NFIA: variants seen among roughly 807,000 people sequenced by gnomAD.
NFIA encodes the protein nuclear factor 1 A-type.
In NFIA, 8 loss-of-function variants were observed where a neutral mutation model predicts 62.8. The observed-to-expected ratio is 0.13, with a 90% confidence interval of 0.07 to 0.23. The LOEUF (loss-of-function observed/expected upper bound fraction) is 0.23, where lower values mean the gene tolerates loss of function less well. Ranked by LOEUF, NFIA falls within the 10% of genes least tolerant of loss-of-function variation. The pLI, the probability that NFIA is intolerant of heterozygous loss-of-function variation, is 1.00. For missense variants in NFIA, 410 were observed against 642.1 expected (o/e 0.64, Z 3.91); for synonymous variants, 235 against 238.1 (o/e 0.99, Z 0.12).
intron 2 of NFIA, among the ~76,000 whole-genome samples, chr1:61,166,687 C>A (rs1334328287): frequency 6.6e-6 from 1 of 152,040 alleles, no homozygotes; most frequent in African/African-American, 2.4e-5. Context: ...AGTTTATAGA[C>A]TCTTAGGTGT....
intron 1 of NFIA, among the ~76,000 whole-genome samples, chr1:61,084,358 T>A (rs1646180828): frequency 6.6e-6 from 1 of 152,180 alleles, no homozygotes. Flanking sequence ...TATGTTGAAA[T>A]GGTCTGTTTG....
chr1:61,204,665 C>A (rs1348314569), intron 2 of NFIA, among the ~76,000 whole-genome samples: 1 of 151,024 alleles, frequency 6.6e-6, no homozygotes, highest in Non-Finnish European at 1.5e-5. Context: ...CCACCTTCTG[C>A]CCCCCCCACC....
At chr1:61,330,514 CCAA>C (rs1413083801) in intron 3 of NFIA, among the ~76,000 whole-genome samples, 1 of 149,298 alleles carries the variant, frequency 6.7e-6, no homozygotes, top group Non-Finnish European at 1.5e-5. Context: ...CTGGAGAACA[CCAA>C]CATTTAAGAG....
At chr1:61,368,332 A>G in intron 6 of NFIA, among the ~76,000 whole-genome samples, 1 of 152,194 alleles carries the variant, frequency 6.6e-6, no homozygotes, top group East Asian at 1.9e-4. Flanking sequence ...GGTGGAGCAT[A>G]CTGTAAAGAG....
At chr1:61,401,938 ATT>A (rs761466442) in intron 7 of NFIA, among the ~76,000 whole-genome samples, 3,771 of 151,996 alleles carry the variant, frequency 0.025, 61 homozygotes, top group Non-Finnish European at 0.041. Flanking sequence ...GACCAGAGCC[ATT>A]TAACTTTTTA....
intron 3 of NFIA, among the ~76,000 whole-genome samples, chr1:61,287,442 G>C (rs572831896): frequency 1.3e-5 from 2 of 152,184 alleles, no homozygotes; most frequent in Admixed American, 1.3e-4. Context: ...CCCTGCTCTC[G>C]TGACCCCATT....
At chr1:61,211,018 G>A (rs1040487645) in intron 2 of NFIA, among the ~76,000 whole-genome samples, 3 of 152,206 alleles carry the variant, frequency 2.0e-5, no homozygotes, top group Non-Finnish European at 4.4e-5. Flanking sequence ...TAAATTTCAA[G>A]TAAGAAAATA....
At chr1:61,347,330 C>T (rs921609277) in intron 4 of NFIA, among the ~76,000 whole-genome samples, 6 of 151,730 alleles carry the variant, frequency 4.0e-5, no homozygotes, top group Non-Finnish European at 7.4e-5. Flanking sequence ...CCCACCACCA[C>T]GCCCGGCTAA....
At chr1:61,321,689 G>C (rs1660686730) in intron 3 of NFIA, among the ~76,000 whole-genome samples, 1 of 151,698 alleles carries the variant, frequency 6.6e-6, no homozygotes, top group African/African-American at 2.4e-5. Context: ...GCAACATGAC[G>C]ATTATTACTC....
chr1:61,340,735 G>C (rs557141199), intron 4 of NFIA, among the ~76,000 whole-genome samples: 1 of 152,038 alleles, frequency 6.6e-6, no homozygotes, highest in Admixed American at 6.5e-5. Context: ...AATTAAGAAG[G>C]GCCAATTTTA....
rs1668550218 is a variant in NFIA, at chr1:61,462,016, C to CTTTTTGGGTTGTTTTTTTTTTT, written c.*6706_*6707insGTTTTTTTTTTTTTTTTGGGTT. ...TTTTGATAATAGTCTGTAAGTTAGC[C>CTTTTTGGGTTGTTTTTTTTTTT]TTTTTGGGTTTTTTTTTTTTTTTTT... On this transcript the variant is annotated 3_prime_UTR_variant, in exon 11 of 11. Coordinates refer to ENST00000403491, the MANE Select transcript of NFIA (RefSeq NM_001134673.4). 2 of 97,248 alleles carry CTTTTTGGGTTGTTTTTTTTTTT rather than the reference C, an allele frequency of 2.1e-5. No individual in the cohort carries two copies. The highest frequency in any genetic ancestry group is 9.7e-5 in the African/African-American group (2 of 20,574). The allele number at this position is 97,248 out of a possible 1,614,324, so 6.0% of individuals were successfully genotyped here. A position where few individuals can be genotyped will look rare whatever the true frequency, so the allele number is the denominator to read the frequency against.
At chr1:61,395,987 A>G (rs560553704) in intron 7 of NFIA, among the ~76,000 whole-genome samples, 12 of 152,290 alleles carry the variant, frequency 7.9e-5, no homozygotes, top group African/African-American at 2.9e-4. Flanking sequence ...CAGTTGTACT[A>G]TTTGTAAATG....
At chr1:61,203,572 A>C (rs973394283) in intron 2 of NFIA, among the ~76,000 whole-genome samples, 5 of 151,946 alleles carry the variant, frequency 3.3e-5, no homozygotes. Context: ...GGGAACACAT[A>C]TCTCTTCTTT....
intron 9 of NFIA, among the ~76,000 whole-genome samples, chr1:61,411,227 G>A (rs1215469558): frequency 6.6e-6 from 1 of 152,014 alleles, no homozygotes; most frequent in South Asian, 2.1e-4. Context: ...GCTGTGGCCA[G>A]AAAAGCAGGG....
intron 2 of NFIA, among the ~76,000 whole-genome samples, chr1:61,168,568 A>G (rs1038098677): frequency 4.6e-5 from 7 of 152,188 alleles, no homozygotes; most frequent in African/African-American, 1.7e-4. Context: ...CCTAAACTAG[A>G]GATATGTGAA....
intron 2 of NFIA, among the ~76,000 whole-genome samples, chr1:61,114,937 C>T (rs1372215410): frequency 6.6e-6 from 1 of 152,100 alleles, no homozygotes; most frequent in East Asian, 1.9e-4. Flanking sequence ...GTATTCATTT[C>T]AACATTAAGT....
At chr1:61,392,220 C>CT (rs200267290) in intron 7 of NFIA, among the ~76,000 whole-genome samples, 5,508 of 146,606 alleles carry the variant, frequency 0.038, 105 homozygotes, top group African/African-American at 0.05. Flanking sequence ...CAGCTTTTTT[C>CT]TTTTTTTTTT....
intron 2 of NFIA, among the ~76,000 whole-genome samples, chr1:61,218,842 C>T (rs1236743834): frequency 2.0e-5 from 3 of 152,196 alleles, no homozygotes; most frequent in Non-Finnish European, 4.4e-5. Flanking sequence ...ATCTATATTG[C>T]TCAAACATGA....
intron 4 of NFIA, among the ~76,000 whole-genome samples, chr1:61,342,865 A>G (rs549488860): frequency 1.3e-5 from 2 of 152,358 alleles, no homozygotes; most frequent in African/African-American, 4.8e-5. Context: ...ACTTAGTTGC[A>G]TGATCTTGAC....
Sources: allele counts gnomAD v4.1 joint callset (sites outside exome capture counted in the v4.1 genomes callset), GRCh38; gene constraint gnomAD v4.1.1; transcripts MANE v1.5; gene names NCBI Gene and HGNC (gene_info 2026-07-23, HGNC 2026-07-21).